Variants in GLIS3 observed in about 807,000 individuals in gnomAD.
The protein encoded by GLIS3 is GLIS family zinc finger 3.
GLIS3 carries 53 observed loss-of-function variants against 78.6 expected under a neutral mutation model. The ratio of observed to expected loss-of-function variants is 0.67; its 90% CI spans 0.54 to 0.85. The LOEUF is 0.85. Ranked by LOEUF, GLIS3 falls within the 40% of genes least tolerant of loss-of-function variation. The probability of loss-of-function intolerance (pLI) is 0.00; values close to 1 mark genes in which losing one functional copy is unlikely to be tolerated. For missense variants in GLIS3, 1,703 were observed against 1,231.1 expected (o/e 1.38, Z -5.74); for synonymous variants, 684 against 509.9 (o/e 1.34, Z -4.60).
chr9:4,317,912 C>G (rs1402873090), intron 2 of GLIS3, among the ~76,000 whole-genome samples: 1 of 152,080 alleles, frequency 6.6e-6, no homozygotes, highest in Non-Finnish European at 1.5e-5. Context: ...CTTACTCAAG[C>G]CAAGGGAATT....
chr9:4,445,327 T>C, the GLIS3 span, among the ~76,000 whole-genome samples: 1 of 152,174 alleles, frequency 6.6e-6, no homozygotes, highest in South Asian at 2.1e-4. Flanking sequence ...GAAGCGACAA[T>C]AGAAATAAAT....
At chr9:4,203,005 G>A (rs1335264566) in intron 2 of GLIS3, among the ~76,000 whole-genome samples, 1 of 152,170 alleles carries the variant, frequency 6.6e-6, no homozygotes, top group African/African-American at 2.4e-5. Context: ...CTTCTATACG[G>A]CAAAAGAAAT....
chr9:3,917,601 A>T (rs1291910455), intron 6 of GLIS3, among the ~76,000 whole-genome samples: 1 of 146,322 alleles, frequency 6.8e-6, no homozygotes, highest in Non-Finnish European at 1.5e-5. Flanking sequence ...TCCATCCATT[A>T]TTTTTTTTTT....
intron 2 of GLIS3, among the ~76,000 whole-genome samples, chr9:4,232,155 A>T (rs1311850524): frequency 6.6e-6 from 1 of 152,126 alleles, no homozygotes; most frequent in African/African-American, 2.4e-5. Context: ...AAGTGGGAGG[A>T]CTGCTTGAGG....
At chr9:4,478,758 T>A in the GLIS3 span, among the ~76,000 whole-genome samples, 1 of 152,262 alleles carries the variant, frequency 6.6e-6, no homozygotes, top group East Asian at 1.9e-4. Flanking sequence ...TTCCAGAAAA[T>A]ATATGCAGAA....
intron 1 of GLIS3, among the ~76,000 whole-genome samples, chr9:4,298,036 C>A (rs1042748718): frequency 1.3e-5 from 2 of 152,136 alleles, no homozygotes; most frequent in Non-Finnish European, 2.9e-5. Context: ...ACCCTCGGCC[C>A]CGTGCGCGAG....
At chr9:4,048,771 G>A (rs1420199681) in intron 4 of GLIS3, among the ~76,000 whole-genome samples, 1 of 152,152 alleles carries the variant, frequency 6.6e-6, no homozygotes, top group Non-Finnish European at 1.5e-5. Context: ...CCCATCAGGT[G>A]ACTAGGCCTA....
chr9:4,359,224 G>C, the GLIS3 span, among the ~76,000 whole-genome samples: 1 of 152,138 alleles, frequency 6.6e-6, no homozygotes, highest in South Asian at 2.1e-4. Context: ...CGAGATGAGC[G>C]CGTGTGAATC....
At chr9:3,978,648 TAATACA>T (rs570279905) in intron 4 of GLIS3, among the ~76,000 whole-genome samples, 106 of 152,134 alleles carry the variant, frequency 7.0e-4, no homozygotes, top group Non-Finnish European at 1.2e-3. Flanking sequence ...ATATAAATAC[TAATACA>T]GAGTACATGA....
At chr9:3,948,934 A>C (rs1816485507) in intron 4 of GLIS3, among the ~76,000 whole-genome samples, 1 of 152,206 alleles carries the variant, frequency 6.6e-6, no homozygotes, top group Non-Finnish European at 1.5e-5. Context: ...CATGTATTCA[A>C]ATTATCTAAT....
chr9:4,445,387 G>A, the GLIS3 span, among the ~76,000 whole-genome samples: 1 of 152,176 alleles, frequency 6.6e-6, no homozygotes, highest in South Asian at 2.1e-4. Flanking sequence ...AGCATTTGGG[G>A]AGGCTGAGGC....
the GLIS3 span, among the ~76,000 whole-genome samples, chr9:4,481,248 C>A: frequency 0.013 from 1,906 of 152,218 alleles, 30 homozygotes; most frequent in African/African-American, 0.044. Flanking sequence ...CTTTGGGAGG[C>A]CGAGGCAGGC....
At chr9:4,388,023 G>A in the GLIS3 span, among the ~76,000 whole-genome samples, 1 of 152,208 alleles carries the variant, frequency 6.6e-6, no homozygotes, top group African/African-American at 2.4e-5. Flanking sequence ...TGGGTTAAAA[G>A]GAGCGAACCA....
chr9:3,829,961 A>G (rs1817952241), intron 9 of GLIS3, among the ~76,000 whole-genome samples: 1 of 152,234 alleles, frequency 6.6e-6, no homozygotes, highest in Non-Finnish European at 1.5e-5. Context: ...CTGTCTTTCC[A>G]ATAGAGAAAT....
At chr9:4,194,167 C>A (rs1818587279) in intron 2 of GLIS3, among the ~76,000 whole-genome samples, 1 of 152,154 alleles carries the variant, frequency 6.6e-6, no homozygotes, top group South Asian at 2.1e-4. Context: ...AAGCAACTCT[C>A]CTGCCTCAGC....
At chr9:4,444,248 T>C in the GLIS3 span, among the ~76,000 whole-genome samples, 1 of 152,218 alleles carries the variant, frequency 6.6e-6, no homozygotes, top group African/African-American at 2.4e-5. Context: ...ACACCACTTA[T>C]CTTAATTCAC....
chr9:4,362,813 G>T, the GLIS3 span, among the ~76,000 whole-genome samples: 2 of 152,124 alleles, frequency 1.3e-5, no homozygotes, highest in African/African-American at 4.8e-5. Context: ...GCTTGCCAGA[G>T]AACCCTGCTA....
rs142813019 is a variant in GLIS3 at position 3,996,249 on chromosome 9, G to T, written c.1711-59060C>A. On this transcript the variant is annotated intron_variant, in intron 4 of 10. Coordinates refer to ENST00000381971, the MANE Select transcript of GLIS3 (RefSeq NM_001042413.2). ...ATCCTCACTAAAGGAACTTCTAAAA[G>T]ATGTCCTTCAGAAAAAAGAAAAAAT... Among the ~76,000 whole-genome samples the T allele has an allele frequency of 3.7e-3, 567 of 152,162 alleles. 12 individuals are homozygous for T. Among genetic ancestry groups the T allele is most frequent in the East Asian group, 0.035 (180 of 5,188 alleles).
intron 2 of GLIS3, among the ~76,000 whole-genome samples, chr9:4,154,544 G>A (rs1349081658): frequency 2.6e-5 from 4 of 152,008 alleles, no homozygotes; most frequent in Non-Finnish European, 5.9e-5. Flanking sequence ...AAAAGACCAG[G>A]AAACATATTA....
Sources: allele counts gnomAD v4.1 joint callset (sites outside exome capture counted in the v4.1 genomes callset), GRCh38; gene constraint gnomAD v4.1.1; transcripts MANE v1.5; gene names NCBI Gene and HGNC (gene_info 2026-07-23, HGNC 2026-07-21).